Variants in BTBD10 observed in about 807,000 individuals in gnomAD.
BTBD10 encodes the protein BTB domain containing 10.
In BTBD10, 21 loss-of-function variants were observed where a neutral mutation model predicts 53.2. The ratio of observed to expected loss-of-function variants is 0.39; its 90% CI spans 0.28 to 0.57. The LOEUF (loss-of-function observed/expected upper bound fraction) is 0.57. Ranked by LOEUF, BTBD10 falls within the 20% of genes least tolerant of loss-of-function variation. BTBD10 has a pLI of 0.53. For missense variants in BTBD10, 360 were observed against 594.7 expected, an observed-to-expected ratio of 0.61 and a Z score of 4.10; for synonymous variants, 149 against 192.7, an observed-to-expected ratio of 0.77 and a Z score of 1.88.
At chr11:13,424,385 G>A (rs1158690391) in intron 2 of BTBD10, among the ~76,000 whole-genome samples, 1 of 152,122 alleles carries the variant, frequency 6.6e-6, no homozygotes, top group Non-Finnish European at 1.5e-5. Flanking sequence ...GATTTTAAAC[G>A]AATTCAAAAG....
intron 6 of BTBD10, among the ~76,000 whole-genome samples, chr11:13,411,439 T>C (rs956413053): frequency 6.6e-6 from 1 of 152,216 alleles, no homozygotes; most frequent in African/African-American, 2.4e-5. Flanking sequence ...ACCACTTCCA[T>C]CTCTTCAAAT....
intron 6 of BTBD10, among the ~76,000 whole-genome samples, chr11:13,406,797 T>C (rs1949843062): frequency 6.6e-6 from 1 of 151,692 alleles, no homozygotes; most frequent in African/African-American, 2.4e-5. Context: ...ATTAACATAT[T>C]ACAATTAATA....
intron 1 of BTBD10, among the ~76,000 whole-genome samples, chr11:13,451,146 A>C (rs558596428): frequency 2.5e-4 from 38 of 152,320 alleles, no homozygotes; most frequent in African/African-American, 8.7e-4. Flanking sequence ...TCCCTGGCTG[A>C]TAGCTAAAAT....
chr11:13,434,139 A>C (rs187978287), intron 2 of BTBD10, among the ~76,000 whole-genome samples: 1 of 152,316 alleles, frequency 6.6e-6, no homozygotes, highest in African/African-American at 2.4e-5. Context: ...GTATAGCCTA[A>C]AAATAGTTTT....
intron 1 of BTBD10, among the ~76,000 whole-genome samples, chr11:13,457,411 T>G (rs181499408): frequency 7.9e-5 from 12 of 152,274 alleles, no homozygotes; most frequent in Non-Finnish European, 1.5e-4. Context: ...ATAAACTACA[T>G]GCATCCACAC....
chr11:13,391,342 A>T (rs1482136891), intron 8 of BTBD10, among the ~76,000 whole-genome samples: 1 of 152,070 alleles, frequency 6.6e-6, no homozygotes, highest in Non-Finnish European at 1.5e-5. Context: ...ACCTTCTTTT[A>T]TCCCTGGCAA....
chr11:13,396,093 G>T (rs1455524274), intron 8 of BTBD10, among the ~76,000 whole-genome samples: 1 of 152,154 alleles, frequency 6.6e-6, no homozygotes, highest in Non-Finnish European at 1.5e-5. Context: ...TTGGTAGCTT[G>T]ATGGGGATGG....
At chr11:13,443,790 G>T (rs1306999601) in intron 2 of BTBD10, among the ~76,000 whole-genome samples, 3 of 151,906 alleles carry the variant, frequency 2.0e-5, no homozygotes, top group Admixed American at 6.6e-5. Flanking sequence ...TGTCACGTTG[G>T]CCAGGCTGGT....
chr11:13,389,068 T>C lies in BTBD10; in HGVS notation c.1191A>G (p.Gln397=). ...GRPEVIYNYV[Q]RPFIRMSWEK... is the part of the protein sequence containing the mutation. The stretch of plus-strand genomic sequence containing the variant: ...CCCAGGACATTCGAATAAAGGGTCT[T>C]TGGACATAGTTGTAGATCACTTCTG... Residue 397 remains glutamine (Q), a synonymous_variant, in exon 9 of 9, where the codon CAA becomes CAG. Coordinates refer to ENST00000278174, the MANE Select transcript of BTBD10 (RefSeq NM_032320.7). 1 of 1,614,104 alleles carries C rather than the reference T, an allele frequency of 6.2e-7. No homozygotes were observed. Among genetic ancestry groups the C allele is most frequent in the Non-Finnish European group, 8.5e-7 (1 of 1,180,032 alleles).
rs578157441 is a variant in BTBD10, at chr11:13,454,913, T to C, written c.-58+8179A>G. 1.7e-3 allele frequency among the ~76,000 whole-genome samples: 252 copies of C among 152,270 alleles called. 1 individual carries two copies. Among genetic ancestry groups the C allele is most frequent in the African/African-American group, 5.3e-3 (220 of 41,544 alleles). On this transcript the variant is annotated intron_variant, in intron 1 of 8. Transcript: ENST00000278174. ...TGTTTATTTATTTATTTGTATTTAA[T>C]TATTTATGTATTTAGAGACGGAGCT...
intron 5 of BTBD10, among the ~76,000 whole-genome samples, chr11:13,415,536 G>A (rs1224237453): frequency 6.6e-6 from 1 of 151,080 alleles, no homozygotes; most frequent in African/African-American, 2.4e-5. Context: ...GGCTGTGGAA[G>A]CTCAAGGCCT....
intron 2 of BTBD10, among the ~76,000 whole-genome samples, chr11:13,426,540 T>C (rs1950342226): frequency 6.6e-6 from 1 of 152,162 alleles, no homozygotes. Flanking sequence ...ATGGGGTTTA[T>C]AACATATACA....
rs1949754126 is a variant in BTBD10, at chr11:13,403,493, G to A, written c.1007-215C>T. On this transcript the variant is annotated intron_variant, in intron 7 of 8. Coordinates refer to ENST00000278174, the MANE Select transcript of BTBD10 (RefSeq NM_032320.7). ...CTTAAGTGGAAACAAGAAAAGCTTT[G>A]ACAACCAATCAGAAAACCCAATCCA... 1.3e-5 allele frequency among the ~76,000 whole-genome samples: 2 copies of A among 150,996 alleles called. 1 individual carries two copies. The highest frequency in any genetic ancestry group is 4.2e-4 in the South Asian group (2 of 4,732).
intron 4 of BTBD10, among the ~76,000 whole-genome samples, chr11:13,418,381 G>C (rs1247216331): frequency 6.6e-6 from 1 of 151,878 alleles, no homozygotes; most frequent in East Asian, 1.9e-4. Flanking sequence ...ACATCAATAT[G>C]AACACTTTAA....
At chr11:13,450,848 A>C (rs988712351) in intron 1 of BTBD10, among the ~76,000 whole-genome samples, 4 of 152,360 alleles carry the variant, frequency 2.6e-5, no homozygotes, top group Admixed American at 2.6e-4. Context: ...ATACTATAAA[A>C]AACAACTATT....
intron 8 of BTBD10, among the ~76,000 whole-genome samples, chr11:13,398,769 C>T (rs1176582030): frequency 6.6e-6 from 1 of 152,108 alleles, no homozygotes; most frequent in Non-Finnish European, 1.5e-5. Context: ...ATTTGCTTGT[C>T]TGTAAAGGAT....
chr11:13,435,177 A>ATTTTTTTTTT (rs1565260389), intron 2 of BTBD10, among the ~76,000 whole-genome samples: 1 of 152,112 alleles, frequency 6.6e-6, no homozygotes, highest in African/African-American at 2.4e-5. Context: ...TAGCATGAAA[A>ATTTTTTTTTT]ATTTTTTAAA....
At chr11:13,412,483 C>T (rs1474776960) in intron 6 of BTBD10, among the ~76,000 whole-genome samples, 6 of 151,928 alleles carry the variant, frequency 3.9e-5, no homozygotes, top group South Asian at 4.1e-4. Flanking sequence ...CAACAAAAAC[C>T]CAGCAACGTT....
chr11:13,394,503 T>A (rs1285010609), intron 8 of BTBD10, among the ~76,000 whole-genome samples: 2 of 152,166 alleles, frequency 1.3e-5, no homozygotes, highest in Non-Finnish European at 2.9e-5. Flanking sequence ...AATAAACCTC[T>A]TTGCTTCTTC....
Sources: gnomAD v4.1 joint callset for allele counts (sites outside exome capture counted in the v4.1 genomes callset) on GRCh38, gnomAD v4.1.1 for gene constraint, MANE v1.5 for transcripts, NCBI Gene and HGNC (gene_info 2026-07-23, HGNC 2026-07-21) for gene names.